The following CLEC9A variants were observed in gnomAD, a reference collection of about 807,000 sequenced individuals.
CLEC9A encodes C-type lectin domain containing 9A.
In CLEC9A, 24 loss-of-function variants were observed where a neutral mutation model predicts 30.0. The observed-to-expected ratio is 0.80, with a 90% CI of 0.58 to 1.13. The LOEUF (loss-of-function observed/expected upper bound fraction) is 1.13. Among genes scored for constraint, CLEC9A ranks in the 50% most tolerant of loss-of-function variants. The pLI is 0.00. For synonymous variants in CLEC9A, 111 were observed against 96.8 expected (o/e 1.15, Z -0.86); for missense variants, 251 against 280.9 (o/e 0.89, Z 0.76).
intron 2 of CLEC9A, among the ~76,000 whole-genome samples, chr12:10,047,192 T>G (rs1435668822): frequency 1.3e-5 from 2 of 152,216 alleles, no homozygotes; most frequent in East Asian, 3.8e-4. Flanking sequence ...TGTATTATTA[T>G]TTTCTTATTT....
intron 1 of CLEC9A, among the ~76,000 whole-genome samples, chr12:10,041,174 A>C (rs887105451): frequency 6.6e-6 from 1 of 152,222 alleles, no homozygotes; most frequent in East Asian, 1.9e-4. Flanking sequence ...TAAACCCGGG[A>C]GGTGAAGGTT....
chr12:10,043,271 C>T (rs967530404), intron 2 of CLEC9A: 14 of 310,216 alleles, frequency 4.5e-5, no homozygotes, highest in South Asian at 3.8e-4. Flanking sequence ...CCCACCAGAA[C>T]TCTAATGAGG....
rs760471964 is a variant in CLEC9A, at chr12:10,064,740, C to T, written c.480C>T (p.Ile160=). 4 of 1,609,848 alleles carry T rather than the reference C, an allele frequency of 2.5e-6. No homozygotes were observed. The highest frequency in any genetic ancestry group is 3.4e-6 in the Non-Finnish European group (4 of 1,178,084). Residue 160 remains isoleucine, a synonymous_variant, in exon 8 of 9, where the codon ATC becomes ATT. Coordinates refer to ENST00000355819, the MANE Select transcript of CLEC9A (RefSeq NM_207345.4). Reference sequence around the variant, plus strand: ...CAATTTTTGTCTCATAGGATTTTATCACTGGCAGCTTGAGGAAGATTAAAG... The same window carrying T: ...CAATTTTTGTCTCATAGGATTTTATTACTGGCAGCTTGAGGAAGATTAAAG... ...QIESKEEMDF[I]TGSLRKIKGS... is the part of the protein sequence containing the mutation.
chr12:10,041,360 A>T (rs1020315177), intron 1 of CLEC9A, 106 bp from the exon 2 acceptor site: 2 of 247,972 alleles, frequency 8.1e-6, no homozygotes, highest in Non-Finnish European at 1.6e-5. Context: ...CATTTCTCTG[A>T]TGGTAACTGA....
At chr12:10,056,346 G>A (rs1865943208) in intron 5 of CLEC9A, among the ~76,000 whole-genome samples, 1 of 151,862 alleles carries the variant, frequency 6.6e-6, no homozygotes. Flanking sequence ...ATAAATAATG[G>A]TACATCATCT....
chr12:10,061,081 T>C (rs1555153069), intron 5 of CLEC9A, 46 bp from the exon 6 acceptor site: 4 of 1,591,316 alleles, frequency 2.5e-6, no homozygotes, highest in Non-Finnish European at 3.4e-6. Context: ...ATTATTTTGC[T>C]ATAAAATGTC....
intron 1 of CLEC9A, among the ~76,000 whole-genome samples, chr12:10,033,622 T>C (rs1231069687): frequency 6.6e-6 from 1 of 152,260 alleles, no homozygotes; most frequent in Non-Finnish European, 1.5e-5. Context: ...TCACATGAAT[T>C]AAACATGTCA....
At chr12:10,057,165 C>A (rs1177300934) in intron 5 of CLEC9A, among the ~76,000 whole-genome samples, 1 of 152,014 alleles carries the variant, frequency 6.6e-6, no homozygotes, top group Non-Finnish European at 1.5e-5. Context: ...TTACTTGTCC[C>A]AGCTAGTTAC....
chr12:10,052,670 T>C lies in CLEC9A; in HGVS notation c.-18T>C, dbSNP rs1865903867. ...CAGCCTCCTGTGTGGACTGCTTTCC[T>C]ATCAAAGCACCTTAGACATGCACGA... On this transcript the variant is annotated 5_prime_UTR_variant, in exon 4 of 9. Transcript: ENST00000355819. The C allele has an allele frequency of 6.2e-7, 1 of 1,613,272 alleles. No homozygotes were observed. The highest frequency in any genetic ancestry group is 2.2e-5 in the East Asian group (1 of 44,862).
intron 5 of CLEC9A, 160 bp from the exon 6 acceptor site, chr12:10,060,967 T>C (rs1235424886): frequency 2.4e-6 from 2 of 827,168 alleles, no homozygotes; most frequent in East Asian, 3.3e-5. Flanking sequence ...TTTGTAGTGT[T>C]TGATTCTTGT....
At chr12:10,034,413 G>A (rs1462103606) in intron 1 of CLEC9A, among the ~76,000 whole-genome samples, 1 of 152,148 alleles carries the variant, frequency 6.6e-6, no homozygotes, top group African/African-American at 2.4e-5. Flanking sequence ...CAGCCTGTCT[G>A]GAAGAACTCA....
intron 1 of CLEC9A, 100 bp downstream of exon 1, chr12:10,031,072 G>A (rs1865691662): frequency 6.6e-6 from 1 of 152,314 alleles, no homozygotes; most frequent in Middle Eastern, 3.4e-3. Flanking sequence ...ATGATTAAAG[G>A]AGAAAGGGGA....
rs1395931039 is a variant in CLEC9A at position 10,030,747 on chromosome 12, G to C, written c.-543G>C. ...TTCTGCTAGACTGGCAACATGTTTT[G>C]ATTCTTCTCAAATAACTCGCAAGCT... is the stretch of plus-strand genomic sequence containing the variant. On this transcript the variant is annotated 5_prime_UTR_variant, in exon 1 of 9. It removes the in-frame stop codon of an upstream open reading frame in the 5' UTR. Transcript: ENST00000355819. 1 of 152,208 alleles carries C rather than the reference G, an allele frequency of 6.6e-6. No individual in the cohort carries two copies. The highest frequency in any genetic ancestry group is 2.4e-5 in the African/African-American group (1 of 41,452). The allele number at this position is 152,208 out of a possible 1,614,324, so 9.4% of individuals were successfully genotyped here.
chr12:10,041,931 G>C (rs1452976152), intron 2 of CLEC9A, among the ~76,000 whole-genome samples: 1 of 152,150 alleles, frequency 6.6e-6, no homozygotes, highest in Non-Finnish European at 1.5e-5. Flanking sequence ...GTTCTAACTT[G>C]CTGCACTGCG....
At chr12:10,058,015 A>G (rs1865958529) in intron 5 of CLEC9A, among the ~76,000 whole-genome samples, 1 of 152,000 alleles carries the variant, frequency 6.6e-6, no homozygotes, top group Admixed American at 6.5e-5. Flanking sequence ...TCCCCAGGTA[A>G]TTATATTGTT....
At chr12:10,047,271 A>C (rs1865854913) in intron 2 of CLEC9A, among the ~76,000 whole-genome samples, 1 of 152,226 alleles carries the variant, frequency 6.6e-6, no homozygotes, top group South Asian at 2.1e-4. Flanking sequence ...ATTAGCCATA[A>C]CTTTGGCTTT....
In CLEC9A at chr12:10,030,823, C is replaced by G. The variant is rs912348467; in HGVS notation, c.-467C>G. ...GTCCTGAAGAAAACATACTCTAAGG[C>G]CCACAGATGATTAAACCCAGCCATT... is the stretch of plus-strand genomic sequence containing the variant. On this transcript the variant is annotated 5_prime_UTR_variant, in exon 1 of 9. Transcript: ENST00000355819. 11 of 152,214 alleles carry G rather than the reference C, an allele frequency of 7.2e-5. No individual in the cohort carries two copies. The highest frequency in any genetic ancestry group is 2.7e-4 in the African/African-American group (11 of 41,438). 9.4% of individuals were successfully genotyped at this position (152,214 alleles called of 1,614,324 possible). A position where few individuals can be genotyped will look rare whatever the true frequency, so the allele number is the denominator to read the frequency against.
intron 1 of CLEC9A, among the ~76,000 whole-genome samples, chr12:10,032,278 G>A (rs1291315494): frequency 6.6e-6 from 1 of 151,902 alleles, no homozygotes; most frequent in African/African-American, 2.4e-5. Context: ...AGACGCCACA[G>A]CCACACAGGT....
Position 10,054,215 on chromosome 12 carries a change from C to G in CLEC9A, c.92-56C>G. On this transcript the variant is annotated intron_variant, in intron 4 of 8. Coordinates refer to ENST00000355819, the MANE Select transcript of CLEC9A (RefSeq NM_207345.4). ...ACTCAATCTCAATCTATCCTTGCCC[C>G]GTCTTTTTTATCTGCTTTCTCTAAC... 2.2e-6 allele frequency: 3 copies of G among 1,348,800 alleles called. No individual in the cohort carries two copies. The South Asian group carries it at 3.6e-5, about 16-fold the overall frequency. The allele number at this position is 1,348,800 out of a possible 1,614,324, so 83.6% of individuals were successfully genotyped here. A position where few individuals can be genotyped will look rare whatever the true frequency, so the allele number is the denominator to read the frequency against.
Sources: gnomAD v4.1 joint callset for allele counts (sites outside exome capture counted in the v4.1 genomes callset) on GRCh38, gnomAD v4.1.1 for gene constraint, MANE v1.5 for transcripts, NCBI Gene and HGNC (gene_info 2026-07-23, HGNC 2026-07-21) for gene names.